MINAR2: variants seen among roughly 807,000 people sequenced by gnomAD.
MINAR2 encodes the protein membrane integral NOTCH2 associated receptor 2.
MINAR2 carries 21 observed loss-of-function variants against 16.1 expected under a neutral mutation model. The ratio of observed to expected loss-of-function variants is 1.31; its 90% confidence interval spans 0.93 to 1.88. The LOEUF is 1.88. Ranked by LOEUF, MINAR2 falls within the 40% of genes most tolerant of loss-of-function variation. The pLI, the probability that MINAR2 is intolerant of heterozygous loss-of-function variation, is 0.00. For missense variants in MINAR2, 259 were observed against 229.8 expected (o/e 1.13, Z -0.82); for synonymous variants, 86 against 83.0 (o/e 1.04, Z -0.20).
intron 1 of MINAR2, among the ~76,000 whole-genome samples, chr5:129,759,820 ATCT>A (rs1219585878): frequency 2.7e-5 from 3 of 109,268 alleles, no homozygotes; most frequent in Non-Finnish European, 7.2e-5. Flanking sequence ...TATTAGAGCT[ATCT>A]AACAGTCAGT....
intron 1 of MINAR2, among the ~76,000 whole-genome samples, chr5:129,753,525 G>A (rs577327915): frequency 8.7e-5 from 13 of 149,704 alleles, no homozygotes; most frequent in Non-Finnish European, 1.3e-4. Context: ...AGGCCGAGGC[G>A]GGTGGATCAG....
intron 1 of MINAR2, among the ~76,000 whole-genome samples, chr5:129,751,280 T>C (rs1581287779): frequency 6.6e-6 from 1 of 151,956 alleles, no homozygotes; most frequent in Non-Finnish European, 1.5e-5. Flanking sequence ...ACAATCTCGG[T>C]TCACTACAAC....
chr5:129,759,731 A>G (rs1479093389), intron 1 of MINAR2, among the ~76,000 whole-genome samples: 3 of 152,056 alleles, frequency 2.0e-5, no homozygotes, highest in Non-Finnish European at 2.9e-5. Context: ...TTTGGTTTGC[A>G]AGAATTTATA....
intron 1 of MINAR2, among the ~76,000 whole-genome samples, chr5:129,757,343 T>G (rs1758068570): frequency 6.6e-6 from 1 of 151,970 alleles, no homozygotes; most frequent in African/African-American, 2.4e-5. Context: ...ATTTAGTCAG[T>G]CACAACACCC....
chr5:129,764,514 C>T (rs1040637177), intron 2 of MINAR2, among the ~76,000 whole-genome samples: 1 of 152,170 alleles, frequency 6.6e-6, no homozygotes, highest in Non-Finnish European at 1.5e-5. Context: ...TGCTGAATTA[C>T]ATGCACTATT....
chr5:129,766,479 T>C lies in MINAR2; in HGVS notation c.*1416T>C, dbSNP rs1419375200. On this transcript the variant is annotated 3_prime_UTR_variant, in exon 3 of 3. Transcript: ENST00000564719. ...AGTGAAACCCCGTCTCTATTAAAAA[T>C]ACAAAAATTAGCCGGGGCTTGGTGG... The C allele has an allele frequency of 6.6e-6, 1 of 151,686 alleles. No homozygotes were observed. Among genetic ancestry groups the C allele is most frequent in the Admixed American group, 6.6e-5 (1 of 15,256 alleles). 9.4% of individuals were successfully genotyped at this position (151,686 alleles called of 1,614,324 possible). A position where few individuals can be genotyped will look rare whatever the true frequency, so the allele number is the denominator to read the frequency against.
intron 1 of MINAR2, among the ~76,000 whole-genome samples, chr5:129,759,399 T>C (rs558003796): frequency 2.6e-5 from 4 of 152,296 alleles, no homozygotes; most frequent in African/African-American, 9.6e-5. Context: ...TTGATTCTTC[T>C]CAATTTGTAT....
At chr5:129,754,887 T>C (rs1185512997) in intron 1 of MINAR2, among the ~76,000 whole-genome samples, 1 of 152,142 alleles carries the variant, frequency 6.6e-6, no homozygotes, top group Non-Finnish European at 1.5e-5. Context: ...ACTGCAAAAT[T>C]ATATGGACAT....
chr5:129,766,660 ACAAAC>A lies in MINAR2; in HGVS notation c.*1598_*1602del, dbSNP rs1758224121. 2.1e-5 allele frequency: 3 copies of A among 140,628 alleles called. No homozygotes were observed. The highest frequency in any genetic ancestry group is 8.5e-5 in the African/African-American group (3 of 35,322). The allele number at this position is 140,628 out of a possible 1,614,324, so 8.7% of individuals were successfully genotyped here. ...AAAAAAAAAAAAAAAAAAAAAACAA[ACAAAC>A]AAACAAAAAAAACCCCAAAAAAAGA... is the stretch of plus-strand genomic sequence containing the variant. On this transcript the variant is annotated 3_prime_UTR_variant, in exon 3 of 3. Coordinates refer to ENST00000564719, the MANE Select transcript of MINAR2 (RefSeq NM_001257308.2).
chr5:129,764,785 C>A, intron 2 of MINAR2, 99 bp from the exon 3 acceptor site: 1 of 576,954 alleles, frequency 1.7e-6, no homozygotes, highest in Non-Finnish European at 2.6e-6. Flanking sequence ...GAATATGGAC[C>A]ATCAGTCCCC....
intron 1 of MINAR2, among the ~76,000 whole-genome samples, chr5:129,750,961 G>A (rs1023240471): frequency 6.6e-6 from 1 of 152,124 alleles, no homozygotes; most frequent in Non-Finnish European, 1.5e-5. Flanking sequence ...ACAAGTGCAT[G>A]GTGTTTAGGA....
chr5:129,762,806 A>G, intron 2 of MINAR2: 1 of 171,708 alleles, frequency 5.8e-6, no homozygotes, highest in East Asian at 1.9e-4. Flanking sequence ...CACAAATCAC[A>G]TCTGATTATA....
At chr5:129,763,758 G>GA (rs1262496493) in intron 2 of MINAR2, among the ~76,000 whole-genome samples, 2 of 152,204 alleles carry the variant, frequency 1.3e-5, no homozygotes, top group Non-Finnish European at 2.9e-5. Flanking sequence ...GCCATCAGCA[G>GA]AATCTATCCT....
At chr5:129,764,432 T>C (rs535613806) in intron 2 of MINAR2, among the ~76,000 whole-genome samples, 7 of 152,320 alleles carry the variant, frequency 4.6e-5, no homozygotes, top group African/African-American at 1.7e-4. Flanking sequence ...TGTTTATTCC[T>C]GGCATGCAGA....
Position 129,748,296 on chromosome 5 carries a change from A to G in MINAR2, c.106A>G (p.Arg36Gly), listed in dbSNP as rs1380881567. The G allele has an allele frequency of 6.5e-7, 1 of 1,535,224 alleles. No homozygotes were observed. The highest frequency in any genetic ancestry group is 8.7e-7 in the Non-Finnish European group (1 of 1,146,556). ...AGCCCTCCTTCAGGCCAGCCTGGTGAGGTTTCCGGGTGGAAATTATCCTGC... is the reference window on the plus strand; with the variant it reads ...AGCCCTCCTTCAGGCCAGCCTGGTGGGGTTTCCGGGTGGAAATTATCCTGC... Reference protein sequence around the residue: ...SSALLQASLVRFPGGNYPAAQ... With the variant: ...SSALLQASLVGFPGGNYPAAQ... The change falls in exon 1 of 3, where the codon AGG becomes GGG. Residue 36 changes from arginine to glycine, a missense_variant. Transcript: ENST00000564719.
intron 1 of MINAR2, among the ~76,000 whole-genome samples, chr5:129,753,865 A>G (rs1298358281): frequency 6.6e-6 from 1 of 152,026 alleles, no homozygotes; most frequent in Non-Finnish European, 1.5e-5. Context: ...GAAAAGAACA[A>G]TACTGCACAA....
rs547496102 is a variant in MINAR2 at position 129,756,268 on chromosome 5, A to G, written c.166-4110A>G. Among the ~76,000 whole-genome samples, 97 of 152,222 alleles carry G rather than the reference A, an allele frequency of 6.4e-4. 1 individual carries two copies. The South Asian group carries it at 0.019, about 30-fold the overall frequency. On this transcript the variant is annotated intron_variant, in intron 1 of 2. Coordinates refer to ENST00000564719, the MANE Select transcript of MINAR2 (RefSeq NM_001257308.2). Reference sequence around the variant, plus strand: ...AATAAGTATTTTCAATTGTTTAATAAAGACATCCATATATGTCACTTGAAC... The same window carrying G: ...AATAAGTATTTTCAATTGTTTAATAGAGACATCCATATATGTCACTTGAAC...
In MINAR2 at chr5:129,764,978, C is replaced by T; in HGVS notation, c.488C>T (p.Ser163Leu). 1 of 1,406,668 alleles carries T rather than the reference C, an allele frequency of 7.1e-7. No individual in the cohort carries two copies. Among genetic ancestry groups the T allele is most frequent in the Admixed American group, 2.5e-5 (1 of 39,254 alleles). The allele number at this position is 1,406,668 out of a possible 1,614,324, so 87.1% of individuals were successfully genotyped here. The change falls in exon 3 of 3, where the codon TCA becomes TTA. Residue 163 changes from serine to leucine, a missense_variant. Physicochemically the swap from Ser to Leu is moderately radical, Grantham distance 145. Coordinates refer to ENST00000564719, the MANE Select transcript of MINAR2 (RefSeq NM_001257308.2). ...AAGGAAGAGAAACAAGAGAAGCATTCAAAATTCTGTCGTATGGGTCTGATT... is the reference window on the plus strand; with the variant it reads ...AAGGAAGAGAAACAAGAGAAGCATTTAAAATTCTGTCGTATGGGTCTGATT... Reference protein sequence around the residue: ...LKKEEKQEKHSKFCRMGLILL... With the variant: ...LKKEEKQEKHLKFCRMGLILL...
rs1356930807 is a variant in MINAR2 at position 129,755,885 on chromosome 5, G to T, written c.166-4493G>T. Among the ~76,000 whole-genome samples the T allele has an allele frequency of 2.6e-5, 4 of 151,500 alleles. No individual in the cohort carries two copies. In the East Asian group the frequency reaches 7.7e-4, roughly 29 times the overall value. ...ATTTATTCAATGGCTTTATTTTTAA[G>T]ACTTTGAATTCAATGCTTAATACCT... On this transcript the variant is annotated intron_variant, in intron 1 of 2. Coordinates refer to ENST00000564719, the MANE Select transcript of MINAR2 (RefSeq NM_001257308.2).
Sources: allele counts gnomAD v4.1 joint callset (sites outside exome capture counted in the v4.1 genomes callset), GRCh38; gene constraint gnomAD v4.1.1; transcripts MANE v1.5; gene names NCBI Gene and HGNC (gene_info 2026-07-23, HGNC 2026-07-21).